Variants in SRGAP2 observed in about 807,000 individuals in gnomAD.
SRGAP2 encodes the protein SLIT-ROBO Rho GTPase-activating protein 2.
Under a neutral mutation model 57.2 loss-of-function variants are expected in SRGAP2, and 15 were observed. The ratio of observed to expected loss-of-function variants is 0.26; its 90% CI spans 0.18 to 0.40. The LOEUF is 0.40. Ranked by LOEUF, SRGAP2 falls within the 10% of genes least tolerant of loss-of-function variation. The pLI is 1.00. For missense variants in SRGAP2, 520 were observed against 669.6 expected, an observed-to-expected ratio of 0.78 and a Z score of 2.47; for synonymous variants, 249 against 248.0, an observed-to-expected ratio of 1.00 and a Z score of -0.04.
intron 16 of SRGAP2, 119 bp downstream of exon 16, chr1:206,438,217 C>G (rs562126379): frequency 4.8e-6 from 3 of 627,886 alleles, no homozygotes; most frequent in Non-Finnish European, 8.7e-6. Context: ...TTTCTTTTCC[C>G]CAGTGAAATT....
chr1:206,307,274 G>A (rs1226505742), intron 3 of SRGAP2, among the ~76,000 whole-genome samples: 38 of 152,072 alleles, frequency 2.5e-4, no homozygotes, highest in Admixed American at 7.9e-4. Flanking sequence ...GTGTCGATTG[G>A]TGCACTCACA....
rs1188731466 is a variant in SRGAP2, at chr1:206,366,103, T to C, written c.424-17911T>C. Among the ~76,000 whole-genome samples the C allele has an allele frequency of 2.0e-5, 3 of 152,352 alleles. No homozygotes were observed. The East Asian group carries it at 5.8e-4, about 29-fold the overall frequency. On this transcript the variant is annotated intron_variant, in intron 4 of 22. Transcript: ENST00000573034. ...TCTACATACTTGCCTAAGAAAATAT[T>C]TCTCAACTCCTCCAGAATATTTAGG...
At position 206,461,613 on chromosome 1, in the gene SRGAP2, C is replaced by T. The variant is rs1411495120; in HGVS notation, c.*193C>T. On this transcript the variant is annotated 3_prime_UTR_variant, in exon 23 of 23. Coordinates refer to ENST00000573034, the MANE Select transcript of SRGAP2 (RefSeq NM_015326.5). The stretch of plus-strand genomic sequence containing the variant: ...ATCGCCTCTCCCTTCCCACTGCCCT[C>T]TGCTTCCCCCAGTCGTCGTAATTCA... 5.2e-6 allele frequency: 3 copies of T among 581,506 alleles called. No homozygotes were observed. In the African/African-American group the frequency reaches 5.6e-5, roughly 11 times the overall value. The allele number at this position is 581,506 out of a possible 1,614,324, so 36.0% of individuals were successfully genotyped here. A position where few individuals can be genotyped will look rare whatever the true frequency, so the allele number is the denominator to read the frequency against.
intron 2 of SRGAP2, among the ~76,000 whole-genome samples, chr1:206,255,224 G>C (rs1394854476): frequency 6.7e-6 from 1 of 148,282 alleles, no homozygotes; most frequent in African/African-American, 2.5e-5. Context: ...TCCTCTTTCA[G>C]TTCGAGATCT....
intron 2 of SRGAP2, among the ~76,000 whole-genome samples, chr1:206,209,114 A>G (rs1161469621): frequency 3.2e-4 from 46 of 145,618 alleles, no homozygotes; most frequent in African/African-American, 1.2e-3. Flanking sequence ...TGCATTGCAT[A>G]TTCACTCCCA....
chr1:206,220,541 TCA>T (rs782537779), intron 2 of SRGAP2, among the ~76,000 whole-genome samples: 1 of 152,222 alleles, frequency 6.6e-6, no homozygotes, highest in Non-Finnish European at 1.5e-5. Flanking sequence ...GTTAATCATT[TCA>T]GGAAAAGGGC....
At chr1:206,453,870 G>A (rs1663574317) in intron 20 of SRGAP2, 2 of 407,204 alleles carry the variant, frequency 4.9e-6, no homozygotes, top group South Asian at 1.3e-4. Context: ...CCTTATGGAA[G>A]TGACCTAGTT....
intron 14 of SRGAP2, among the ~76,000 whole-genome samples, chr1:206,435,962 C>T (rs11805437): frequency 0.018 from 2,693 of 152,234 alleles, 85 homozygotes; most frequent in African/African-American, 0.059. Flanking sequence ...TAGTCAGGAA[C>T]CAGTGCCTAG....
chr1:206,413,533 A>G (rs533997853), intron 10 of SRGAP2, among the ~76,000 whole-genome samples: 8 of 152,322 alleles, frequency 5.3e-5, no homozygotes, highest in South Asian at 2.1e-4. Flanking sequence ...GGCAGTAGAA[A>G]TGATTTGGTG....
chr1:206,371,731 CA>C (rs1189315186), intron 4 of SRGAP2, among the ~76,000 whole-genome samples: 18 of 68,678 alleles, frequency 2.6e-4, no homozygotes, highest in Non-Finnish European at 2.7e-4. Flanking sequence ...ACTCCGTCTC[CA>C]AAAAAAAAAA....
intron 3 of SRGAP2, among the ~76,000 whole-genome samples, chr1:206,309,642 A>G (rs1402867190): frequency 1.9e-4 from 29 of 151,968 alleles, no homozygotes; most frequent in African/African-American, 7.0e-4. Context: ...TCACGATAGA[A>G]GTGGGGGTGT....
At position 206,372,969 on chromosome 1, in the gene SRGAP2, CTTTCTTT is replaced by C. The variant is rs1654768148; in HGVS notation, c.424-11044_424-11038del. On this transcript the variant is annotated intron_variant, in intron 4 of 22. Coordinates refer to ENST00000573034, the MANE Select transcript of SRGAP2 (RefSeq NM_015326.5). Reference sequence around the variant, plus strand: ...TTTCTTTCTTTCTTTTCTTTCCTTTCTTTCTTTCTTTCTTTCTTTCTTTCTTTCTTTC... The same window carrying C: ...TTTCTTTCTTTCTTTTCTTTCCTTTCCTTTCTTTCTTTCTTTCTTTCTTTC... 6.0e-3 allele frequency among the ~76,000 whole-genome samples: 69 copies of C among 11,596 alleles called. 4 individuals are homozygous for C. Among genetic ancestry groups the C allele is most frequent in the African/African-American group, 0.02 (53 of 2,586 alleles). The allele number at this position is 11,596 out of a possible 152,430, so 7.6% of individuals were successfully genotyped here.
chr1:206,348,225 G>A (rs1435433410), intron 4 of SRGAP2, among the ~76,000 whole-genome samples: 1 of 151,706 alleles, frequency 6.6e-6, no homozygotes, highest in Non-Finnish European at 1.5e-5. Context: ...TGTCTAGGAC[G>A]AGAGGGAAAA....
intron 4 of SRGAP2, among the ~76,000 whole-genome samples, chr1:206,360,488 G>A (rs1260947378): frequency 6.6e-6 from 1 of 150,814 alleles, no homozygotes; most frequent in Non-Finnish European, 1.5e-5. Flanking sequence ...GGTGGAAGCA[G>A]CAAGGGAAGA....
At chr1:206,285,911 C>T (rs1670997406) in intron 2 of SRGAP2, among the ~76,000 whole-genome samples, 1 of 152,138 alleles carries the variant, frequency 6.6e-6, no homozygotes, top group Non-Finnish European at 1.5e-5. Flanking sequence ...AGTGATCTGC[C>T]TGCCTCAGCC....
chr1:206,316,485 GC>G (rs1673080046), intron 3 of SRGAP2, among the ~76,000 whole-genome samples: 1 of 112,712 alleles, frequency 8.9e-6, no homozygotes, highest in Non-Finnish European at 1.7e-5. Flanking sequence ...GCTACATTGG[GC>G]AGGACATAGG....
intron 13 of SRGAP2, among the ~76,000 whole-genome samples, chr1:206,429,613 G>A (rs1553367591): frequency 6.6e-6 from 1 of 152,248 alleles, no homozygotes; most frequent in East Asian, 1.9e-4. Context: ...GAAGCTAGGG[G>A]AAAGAACAGG....
At chr1:206,292,399 G>A (rs1671378843) in intron 2 of SRGAP2, among the ~76,000 whole-genome samples, 1 of 152,074 alleles carries the variant, frequency 6.6e-6, no homozygotes, top group Non-Finnish European at 1.5e-5. Context: ...GCACTGTCAG[G>A]CTGGTGCATC....
chr1:206,259,790 A>C (rs1452734610), intron 2 of SRGAP2, among the ~76,000 whole-genome samples: 2 of 144,662 alleles, frequency 1.4e-5, no homozygotes, highest in Non-Finnish European at 3.0e-5. Flanking sequence ...ATTAAATATT[A>C]TTAAATTTAT....
Sources: gnomAD v4.1 joint callset for allele counts (sites outside exome capture counted in the v4.1 genomes callset) on GRCh38, gnomAD v4.1.1 for gene constraint, MANE v1.5 for transcripts, NCBI Gene and HGNC (gene_info 2026-07-23, HGNC 2026-07-21) for gene names.